Variants in TEC observed in about 807,000 individuals in gnomAD.
The protein encoded by TEC is tyrosine-protein kinase Tec.
In TEC, 72 loss-of-function variants were observed where a neutral mutation model predicts 93.0. That is an observed-to-expected ratio of 0.77 (90% CI 0.64 to 0.94). The LOEUF (loss-of-function observed/expected upper bound fraction) is 0.94. TEC is among the 40% of genes least tolerant of loss of function. TEC has a pLI of 0.00. For synonymous variants in TEC, 249 were observed against 247.7 expected (o/e 1.01, Z -0.05); for missense variants, 630 against 757.9 (o/e 0.83, Z 1.98).
intron 2 of TEC, among the ~76,000 whole-genome samples, chr4:48,194,070 A>G (rs1049547744): frequency 2.0e-5 from 3 of 152,208 alleles, no homozygotes; most frequent in African/African-American, 7.2e-5. Flanking sequence ...TATCCCAACC[A>G]TGACCAATGG....
At chr4:48,249,841 T>TATTAC (rs1327476303) in intron 1 of TEC, among the ~76,000 whole-genome samples, 1 of 152,328 alleles carries the variant, frequency 6.6e-6, no homozygotes, top group East Asian at 1.9e-4. Flanking sequence ...CAGCACAAAT[T>TATTAC]ATACAAGTAG....
At chr4:48,191,854 A>T (rs1577739083) in intron 2 of TEC, among the ~76,000 whole-genome samples, 1 of 152,068 alleles carries the variant, frequency 6.6e-6, no homozygotes. Context: ...AGGCAGGAGG[A>T]TTGCTTGAAC....
At chr4:48,268,238 A>G (rs1724689685) in intron 1 of TEC, among the ~76,000 whole-genome samples, 1 of 152,254 alleles carries the variant, frequency 6.6e-6, no homozygotes, top group Non-Finnish European at 1.5e-5. Flanking sequence ...AGTTGGGAAG[A>G]TGTGAAAATT....
At chr4:48,247,114 T>C (rs778580277) in intron 1 of TEC, among the ~76,000 whole-genome samples, 3 of 150,660 alleles carry the variant, frequency 2.0e-5, no homozygotes, top group Non-Finnish European at 3.0e-5. Context: ...AAAACATATA[T>C]GAATGGTCAG....
intron 14 of TEC, among the ~76,000 whole-genome samples, chr4:48,142,839 C>A (rs1560372018): frequency 6.6e-6 from 1 of 152,044 alleles, no homozygotes; most frequent in Non-Finnish European, 1.5e-5. Flanking sequence ...TGCCACCACG[C>A]CTGGCTAATT....
At chr4:48,240,334 G>C (rs1723892749) in intron 1 of TEC, among the ~76,000 whole-genome samples, 1 of 152,020 alleles carries the variant, frequency 6.6e-6, no homozygotes, top group African/African-American at 2.4e-5. Flanking sequence ...GGTAAAAGCA[G>C]GAAGAGAAAG....
At chr4:48,179,824 A>G (rs1416342774) in intron 2 of TEC, among the ~76,000 whole-genome samples, 1 of 152,222 alleles carries the variant, frequency 6.6e-6, no homozygotes, top group Non-Finnish European at 1.5e-5. Context: ...CATCTGTAAA[A>G]TGGGAATAAT....
intron 14 of TEC, among the ~76,000 whole-genome samples, chr4:48,143,993 G>GGA (rs1719793777): frequency 1.3e-5 from 2 of 152,220 alleles, no homozygotes; most frequent in Non-Finnish European, 2.9e-5. Flanking sequence ...GGGAGGCTGA[G>GGA]GCAGGCAGAT....
At chr4:48,139,392 C>T (rs1202177005) in intron 15 of TEC, among the ~76,000 whole-genome samples, 2 of 152,168 alleles carry the variant, frequency 1.3e-5, no homozygotes, top group Non-Finnish European at 2.9e-5. Context: ...AAATCTAAAG[C>T]AGAGCTGCTC....
At chr4:48,194,029 G>T (rs1722193815) in intron 2 of TEC, among the ~76,000 whole-genome samples, 1 of 152,164 alleles carries the variant, frequency 6.6e-6, no homozygotes, top group South Asian at 2.1e-4. Flanking sequence ...TGCAGCCCAA[G>T]GGGGAACACC....
chr4:48,267,141 C>A (rs1403447944), intron 1 of TEC, among the ~76,000 whole-genome samples: 3 of 152,182 alleles, frequency 2.0e-5, no homozygotes, highest in Admixed American at 2.0e-4. Context: ...AAACTATAAA[C>A]CATAACAAAA....
At chr4:48,224,948 C>A (rs1723393273) in intron 2 of TEC, among the ~76,000 whole-genome samples, 1 of 152,054 alleles carries the variant, frequency 6.6e-6, no homozygotes, top group Non-Finnish European at 1.5e-5. Flanking sequence ...CACAAAGAAA[C>A]CATAAATCAT....
chr4:48,175,832 C>T (rs563840919), intron 3 of TEC, among the ~76,000 whole-genome samples: 1 of 152,264 alleles, frequency 6.6e-6, no homozygotes, highest in Non-Finnish European at 1.5e-5. Context: ...CCACTTGAGC[C>T]TTTCACTTCT....
chr4:48,162,502 G>A (rs771857343), intron 8 of TEC, among the ~76,000 whole-genome samples: 9 of 152,192 alleles, frequency 5.9e-5, no homozygotes, highest in South Asian at 2.1e-4. Context: ...CCACGCTATC[G>A]CTTTAAAACC....
At chr4:48,149,339 A>T (rs17574399) in intron 11 of TEC, among the ~76,000 whole-genome samples, 60,741 of 151,998 alleles carry the variant, frequency 0.4, 12,540 homozygotes, top group Admixed American at 0.48. Flanking sequence ...CACTGGAATA[A>T]CTCATGTCCT....
chr4:48,198,067 T>G (rs141352804), intron 2 of TEC, among the ~76,000 whole-genome samples: 1 of 152,318 alleles, frequency 6.6e-6, no homozygotes, highest in Admixed American at 6.5e-5. Context: ...CCCAGCCCAT[T>G]CCGCCCTTCC....
intron 1 of TEC, among the ~76,000 whole-genome samples, chr4:48,250,383 A>G (rs968261615): frequency 2.0e-5 from 3 of 152,218 alleles, no homozygotes; most frequent in African/African-American, 7.2e-5. Context: ...ATTGATTGGA[A>G]TAATGGCCCC....
intron 15 of TEC, among the ~76,000 whole-genome samples, chr4:48,141,022 TA>T (rs983876977): frequency 3.9e-5 from 6 of 152,068 alleles, no homozygotes; most frequent in African/African-American, 1.2e-4. Context: ...TAAATACCTT[TA>T]AAAGGTATTT....
intron 1 of TEC, among the ~76,000 whole-genome samples, chr4:48,246,164 G>A (rs1243016289): frequency 6.6e-6 from 1 of 151,918 alleles, no homozygotes; most frequent in African/African-American, 2.4e-5. Context: ...TCTACCTACA[G>A]AGAGAAATTG....
Sources: gnomAD v4.1 joint callset for allele counts (sites outside exome capture counted in the v4.1 genomes callset) on GRCh38, gnomAD v4.1.1 for gene constraint, MANE v1.5 for transcripts, NCBI Gene and HGNC (gene_info 2026-07-23, HGNC 2026-07-21) for gene names.